The following EML5 variants were observed in gnomAD, a reference collection of about 807,000 sequenced individuals.
The protein encoded by EML5 is echinoderm microtubule-associated protein-like 5.
EML5 carries 120 observed loss-of-function variants against 250.0 expected under a neutral mutation model. That is an observed-to-expected ratio of 0.48 (90% CI 0.41 to 0.56). The LOEUF is 0.56. EML5 is among the 20% of genes least tolerant of loss of function. EML5 has a pLI of 0.00. For synonymous variants in EML5, 771 were observed against 806.5 expected (o/e 0.96, Z 0.75); for missense variants, 2,006 against 2,437.6 (o/e 0.82, Z 3.73).
Position 88,622,862 on chromosome 14 carries a change from T to C in EML5, c.4899-144A>G, listed in dbSNP as rs546788304. ...ATTTACCTCTAATATTCTTGTAAAC[T>C]TTCTATGGCAATTTGAGGATATACT... On this transcript the variant is annotated intron_variant, in intron 36 of 43. Transcript: ENST00000554922. The C allele has an allele frequency of 6.0e-5, 31 of 514,212 alleles. No individual in the cohort carries two copies. In the East Asian group the frequency reaches 8.4e-4, roughly 14 times the overall value. 31.9% of individuals were successfully genotyped at this position (514,212 alleles called of 1,614,324 possible).
chr14:88,647,048 C>T (rs953388582), intron 28 of EML5, 93 bp from the exon 29 acceptor site: 2 of 1,228,490 alleles, frequency 1.6e-6, no homozygotes, highest in East Asian at 2.4e-5. Context: ...AATATTTTAA[C>T]AAGTTTAATG....
intron 19 of EML5, among the ~76,000 whole-genome samples, chr14:88,686,254 A>G (rs1260521696): frequency 6.6e-6 from 1 of 152,188 alleles, no homozygotes; most frequent in Non-Finnish European, 1.5e-5. Flanking sequence ...AGAAAGGCCC[A>G]GAAGTCAGAG....
intron 1 of EML5, among the ~76,000 whole-genome samples, chr14:88,777,029 A>G (rs1342530847): frequency 6.6e-6 from 1 of 152,214 alleles, no homozygotes; most frequent in Non-Finnish European, 1.5e-5. Context: ...TCAAAGTGAT[A>G]ACAACAGAAA....
intron 22 of EML5, 101 bp from the exon 23 acceptor site, chr14:88,664,725 T>G (rs1245359908): frequency 2.6e-6 from 3 of 1,166,714 alleles, no homozygotes; most frequent in Non-Finnish European, 3.6e-6. Flanking sequence ...GGAGAAATCT[T>G]AGCTGTTTCA....
At chr14:88,781,927 T>C (rs1029118870) in intron 1 of EML5, among the ~76,000 whole-genome samples, 2 of 152,210 alleles carry the variant, frequency 1.3e-5, no homozygotes, top group Non-Finnish European at 2.9e-5. Context: ...TTGGTAAAGA[T>C]ACCCAAAAAT....
At chr14:88,709,731 T>A (rs1460907685) in intron 10 of EML5, among the ~76,000 whole-genome samples, 1 of 152,216 alleles carries the variant, frequency 6.6e-6, no homozygotes, top group Non-Finnish European at 1.5e-5. Context: ...TTGAGAAACC[T>A]GCATTTAATA....
Position 88,740,664 on chromosome 14 carries a change from G to GATTAATT in EML5, c.526-93_526-92insAATTAAT, listed in dbSNP as rs1228398821. 3.5e-6 allele frequency: 4 copies of GATTAATT among 1,147,320 alleles called. No homozygotes were observed. In the African/African-American group the frequency reaches 4.7e-5, roughly 13 times the overall value. 71.1% of individuals were successfully genotyped at this position (1,147,320 alleles called of 1,614,324 possible). On this transcript the variant is annotated intron_variant, in intron 4 of 43. Coordinates refer to ENST00000554922, the MANE Select transcript of EML5 (RefSeq NM_183387.3). ...TACTTTGATGCTATATTAGAGCAGT[G>GATTAATT]AGCTAAAAATTAACTAAGAAATTGC...
intron 1 of EML5, among the ~76,000 whole-genome samples, chr14:88,782,193 G>A (rs537726150): frequency 6.6e-6 from 1 of 152,182 alleles, no homozygotes; most frequent in Non-Finnish European, 1.5e-5. Flanking sequence ...TTGGGAACTG[G>A]AGTAAAGATC....
At chr14:88,634,008 T>A (rs2090585891) in intron 33 of EML5, among the ~76,000 whole-genome samples, 1 of 151,988 alleles carries the variant, frequency 6.6e-6, no homozygotes, top group East Asian at 1.9e-4. Context: ...TTTTATAGAG[T>A]AACAAGATAC....
chr14:88,632,839 C>T (rs1328477339), intron 33 of EML5, among the ~76,000 whole-genome samples: 1 of 152,212 alleles, frequency 6.6e-6, no homozygotes, highest in African/African-American at 2.4e-5. Flanking sequence ...AAACTCTGGA[C>T]TCTGAGACTT....
At chr14:88,692,072 A>G (rs1435056010) in intron 17 of EML5, among the ~76,000 whole-genome samples, 2 of 152,076 alleles carry the variant, frequency 1.3e-5, no homozygotes, top group Non-Finnish European at 2.9e-5. Context: ...TGGATTGAAA[A>G]TATTCCTTTT....
intron 12 of EML5, 43 bp from the exon 13 acceptor site, chr14:88,705,021 C>T (rs1231310298): frequency 6.6e-6 from 9 of 1,354,468 alleles, no homozygotes; most frequent in Non-Finnish European, 1.0e-6. Flanking sequence ...AGAATATATA[C>T]TAATAAAGGT....
In EML5 at chr14:88,626,941, T is replaced by G; in HGVS notation, c.4637A>C (p.Lys1546Thr). 1 of 1,613,966 alleles carries G rather than the reference T, an allele frequency of 6.2e-7. No individual in the cohort carries two copies. The highest frequency in any genetic ancestry group is 8.5e-7 in the Non-Finnish European group (1 of 1,179,866). ...QFVSVGVKHV[K>T]FWTLAGRALL... ...AGCTCTTCCTGCCAGGGTCCAGAAC[T>G]TCACATGTTTTACTCCCACTGAGAC... is the stretch of plus-strand genomic sequence containing the variant. The change falls in exon 35 of 44, where the codon AAG becomes ACG. Residue 1546 changes from lysine (K) to threonine (T), a missense_variant. Around this residue, in one of 7 missense-constraint regions of EML5, gnomAD observed 405 missense variants for 523.3 expected, o/e 0.77. Coordinates refer to ENST00000554922, the MANE Select transcript of EML5 (RefSeq NM_183387.3).
intron 10 of EML5, among the ~76,000 whole-genome samples, chr14:88,710,749 A>G (rs2078533724): frequency 6.6e-6 from 1 of 152,194 alleles, no homozygotes; most frequent in Non-Finnish European, 1.5e-5. Context: ...CAAAAAAGCT[A>G]ACAAATGGGA....
chr14:88,738,919 A>C lies in EML5; in HGVS notation c.807T>G (p.Ile269Met). ...IRLWDLTFKPITVIDLRETDQ... is the reference protein window; with the variant it reads ...IRLWDLTFKPMTVIDLRETDQ... Reference sequence around the variant, plus strand: ...CTGTTTCCCTGAGATCAATCACAGTAATTGGTTTAAAAGTTAAATCCCAAA... The same window carrying C: ...CTGTTTCCCTGAGATCAATCACAGTCATTGGTTTAAAAGTTAAATCCCAAA... Residue 269 changes from isoleucine to methionine, a missense_variant, in exon 6 of 44, where the codon ATT becomes ATG. Coordinates refer to ENST00000554922, the MANE Select transcript of EML5 (RefSeq NM_183387.3). 1 of 1,590,826 alleles carries C rather than the reference A, an allele frequency of 6.3e-7. No individual in the cohort carries two copies. The highest frequency in any genetic ancestry group is 8.6e-7 in the Non-Finnish European group (1 of 1,167,704).
intron 19 of EML5, 99 bp from the exon 20 acceptor site, chr14:88,685,241 T>G: frequency 1.0e-6 from 1 of 1,002,576 alleles, no homozygotes; most frequent in Non-Finnish European, 1.4e-6. Context: ...GAAAATCACA[T>G]TACAAGGTTT....
intron 6 of EML5, among the ~76,000 whole-genome samples, chr14:88,736,862 C>CT (rs886160532): frequency 6.6e-6 from 1 of 151,854 alleles, no homozygotes; most frequent in Non-Finnish European, 1.5e-5. Context: ...TTGAGGGGTG[C>CT]TTTTTTTAAG....
chr14:88,663,166 A>G, intron 23 of EML5, 47 bp from the exon 24 acceptor site: 3 of 1,279,152 alleles, frequency 2.3e-6, no homozygotes, highest in Non-Finnish European at 3.2e-6. Context: ...AATACATACA[A>G]ATATATATAC....
chr14:88,642,227 C>A (rs1480632838), intron 31 of EML5, among the ~76,000 whole-genome samples: 1 of 152,096 alleles, frequency 6.6e-6, no homozygotes, highest in Non-Finnish European at 1.5e-5. Context: ...ATGAAGTTTG[C>A]CATTAAATTG....
Sources: allele counts gnomAD v4.1 joint callset (sites outside exome capture counted in the v4.1 genomes callset), GRCh38; gene constraint gnomAD v4.1.1; regional missense constraint gnomAD v4.1.1; transcripts MANE v1.5; gene names NCBI Gene and HGNC (gene_info 2026-07-23, HGNC 2026-07-21).